NIN: variants seen among roughly 807,000 people sequenced by gnomAD.
NIN encodes glycogen synthase kinase 3 beta-interacting protein.
NIN carries 137 observed loss-of-function variants against 257.6 expected under a neutral mutation model. That is an observed-to-expected ratio of 0.53 (90% confidence interval 0.46 to 0.61). The LOEUF (loss-of-function observed/expected upper bound fraction) is 0.61, where lower values mean the gene tolerates loss of function less well. NIN is among the 20% of genes least tolerant of loss of function. NIN has a pLI of 0.00. For synonymous variants in NIN, 918 were observed against 919.8 expected (o/e 1.00, Z 0.04); for missense variants, 2,439 against 2,501.2 (o/e 0.98, Z 0.53).
chr14:50,740,494 A>G (rs2140483687), intron 25 of NIN, among the ~76,000 whole-genome samples: 1 of 152,148 alleles, frequency 6.6e-6, no homozygotes, highest in African/African-American at 2.4e-5. Flanking sequence ...GATTACAGGC[A>G]CTCGCCACCA....
chr14:50,800,049 A>C (rs1307902283), intron 4 of NIN, among the ~76,000 whole-genome samples: 1 of 118,508 alleles, frequency 8.4e-6, no homozygotes, highest in Non-Finnish European at 1.9e-5. Context: ...CACACACACA[A>C]CTCCCAAGTA....
intron 5 of NIN, among the ~76,000 whole-genome samples, chr14:50,785,520 A>G (rs1449800930): frequency 6.6e-6 from 1 of 152,144 alleles, no homozygotes; most frequent in Non-Finnish European, 1.5e-5. Context: ...AGCCCTGTAA[A>G]CCCAGAGAGA....
chr14:50,818,555 T>A (rs909874139), intron 3 of NIN, among the ~76,000 whole-genome samples: 1 of 152,132 alleles, frequency 6.6e-6, no homozygotes, highest in Non-Finnish European at 1.5e-5. Context: ...CCCGACTAGA[T>A]TGTAAGTTTT....
chr14:50,763,915 C>T lies in NIN; in HGVS notation c.1685G>A (p.Arg562His), dbSNP rs758664546. ...AAGCCTGAGCACTCTGCCTTGTGCACGATATTCTTCCAGCTCAGACTGGAG... is the reference window on the plus strand; with the variant it reads ...AAGCCTGAGCACTCTGCCTTGTGCATGATATTCTTCCAGCTCAGACTGGAG... ...DELQSELEEY[R>H]AQGRVLRLPL... The change falls in exon 15 of 31, where the codon CGT becomes CAT. Residue 562 changes from arginine (R) to histidine (H), a missense_variant. Around this residue, in one of 3 missense-constraint regions of NIN, gnomAD observed 2,043 missense variants for 2,050.2 expected, o/e 1.00. Coordinates refer to ENST00000530997, the MANE Select transcript of NIN (RefSeq NM_020921.4). 42 of 1,613,832 alleles carry T rather than the reference C, an allele frequency of 2.6e-5. No individual in the cohort carries two copies. The Middle Eastern group carries it at 6.6e-4, about 25-fold the overall frequency.
intron 3 of NIN, among the ~76,000 whole-genome samples, chr14:50,817,501 A>C (rs374673850): frequency 1.3e-5 from 2 of 152,192 alleles, no homozygotes; most frequent in East Asian, 3.8e-4. Context: ...ACAGCTATCA[A>C]ATTTTAATAC....
intron 16 of NIN, among the ~76,000 whole-genome samples, chr14:50,761,322 A>G (rs1294521636): frequency 1.3e-5 from 2 of 152,198 alleles, no homozygotes; most frequent in Non-Finnish European, 2.9e-5. Flanking sequence ...AGCACAAGCA[A>G]AAGAGGACAG....
rs1301946773 is a variant in NIN at position 50,723,287 on chromosome 14, A to G, written c.*176T>C. ...AATAATTTAAGTAGTGAAATATGTG[A>G]GTATTTATTTTCAAACTCCCATAAG... is the stretch of plus-strand genomic sequence containing the variant. On this transcript the variant is annotated 3_prime_UTR_variant, in exon 31 of 31. Transcript: ENST00000530997. 2.0e-6 allele frequency: 1 copy of G among 497,624 alleles called. No individual in the cohort carries two copies. The highest frequency in any genetic ancestry group is 3.1e-5 in the East Asian group (1 of 32,394). 30.8% of individuals were successfully genotyped at this position (497,624 alleles called of 1,614,324 possible).
intron 21 of NIN, among the ~76,000 whole-genome samples, chr14:50,749,676 C>A (rs2041704992): frequency 6.6e-6 from 1 of 151,968 alleles, no homozygotes; most frequent in South Asian, 2.1e-4. Context: ...AATATGGACT[C>A]ATTTATTTAT....
chr14:50,795,208 TA>T (rs1182158224), intron 4 of NIN, among the ~76,000 whole-genome samples: 1 of 152,236 alleles, frequency 6.6e-6, no homozygotes, highest in Non-Finnish European at 1.5e-5. Context: ...CTCATCACTT[TA>T]TTTTCCAAAC....
chr14:50,823,661 T>TC (rs1472310078), intron 2 of NIN, among the ~76,000 whole-genome samples: 3 of 152,122 alleles, frequency 2.0e-5, no homozygotes, highest in Non-Finnish European at 4.4e-5. Context: ...TACAGCTCAG[T>TC]TTTTACTGGG....
chr14:50,791,878 G>A (rs566712006), intron 5 of NIN, among the ~76,000 whole-genome samples: 8 of 151,570 alleles, frequency 5.3e-5, no homozygotes, highest in Middle Eastern at 3.4e-3. Context: ...TCAGAAAGTT[G>A]AGGCGCTTTG....
chr14:50,769,964 G>A (rs2042662490), intron 12 of NIN, among the ~76,000 whole-genome samples: 1 of 151,726 alleles, frequency 6.6e-6, no homozygotes, highest in Non-Finnish European at 1.5e-5. Flanking sequence ...AAAAGAAAAG[G>A]CACATTTGGA....
At position 50,823,294 on chromosome 14, in the gene NIN, A is replaced by G. The variant is rs767937158; in HGVS notation, c.-21-1217T>C. The G allele has an allele frequency of 5.3e-6, 3 of 569,378 alleles. No homozygotes were observed. The Admixed American group carries it at 5.8e-5, about 11-fold the overall frequency. The allele number at this position is 569,378 out of a possible 1,614,324, so 35.3% of individuals were successfully genotyped here. A position where few individuals can be genotyped will look rare whatever the true frequency, so the allele number is the denominator to read the frequency against. ...CACGACATACACCCTTGGGACGGTG[A>G]CCTCAGCCATCTGCAACAAGGCTCT... On this transcript the variant is annotated intron_variant, in intron 2 of 30. Coordinates refer to ENST00000530997, the MANE Select transcript of NIN (RefSeq NM_020921.4).
At chr14:50,815,406 T>C (rs1462995206) in intron 3 of NIN, among the ~76,000 whole-genome samples, 1 of 151,924 alleles carries the variant, frequency 6.6e-6, no homozygotes, top group Non-Finnish European at 1.5e-5. Context: ...GCTGGTGAGG[T>C]TGTGGAGAAA....
chr14:50,804,895 T>C (rs2044253105), intron 4 of NIN, among the ~76,000 whole-genome samples: 1 of 152,186 alleles, frequency 6.6e-6, no homozygotes, highest in African/African-American at 2.4e-5. Flanking sequence ...CTAGGCCACA[T>C]GCAGCCCATG....
At chr14:50,828,245 A>C (rs1162684279) in intron 2 of NIN, among the ~76,000 whole-genome samples, 3 of 152,228 alleles carry the variant, frequency 2.0e-5, no homozygotes, top group Non-Finnish European at 4.4e-5. Flanking sequence ...ACGTCTATGA[A>C]CAATATTTTC....
Position 50,739,448 on chromosome 14 carries a change from G to T in NIN, c.5488C>A (p.His1830Asn). 1 of 1,614,182 alleles carries T rather than the reference G, an allele frequency of 6.2e-7. No individual in the cohort carries two copies. The highest frequency in any genetic ancestry group is 8.5e-7 in the Non-Finnish European group (1 of 1,180,014). ...CAGGACAGCCTTTTCTGCTGGTTAT[G>T]GAGCCCTGATGGATGAGTAGCTATC... ...PEIATHPSGL[H>N]NQQKRLSWDK... is the part of the protein sequence containing the mutation. Residue 1830 changes from histidine to asparagine, a missense_variant, in exon 26 of 31, where the codon CAT (histidine) becomes AAT (asparagine). His to Asn is a moderately conservative substitution (Grantham distance 68). Transcript: ENST00000530997.
chr14:50,772,271 T>C, intron 9 of NIN, 30 bp downstream of exon 9: 1 of 1,552,270 alleles, frequency 6.4e-7, no homozygotes, highest in Non-Finnish European at 8.8e-7. Flanking sequence ...TTCTCCAGTT[T>C]GTCATTTTTC....
rs1262200135 is a variant in NIN, at chr14:50,811,921, G to A, written c.184-5103C>T. 2.0e-5 allele frequency among the ~76,000 whole-genome samples: 3 copies of A among 150,982 alleles called. No individual in the cohort carries two copies. The East Asian group carries it at 5.9e-4, about 30-fold the overall frequency. On this transcript the variant is annotated intron_variant, in intron 3 of 30. Transcript: ENST00000530997. ...AAGCAGGAGAATGGTGTGAACCCGG[G>A]AGGCGGAGCTTGCAGTGAGCCAAGA...
Sources: allele counts gnomAD v4.1 joint callset (sites outside exome capture counted in the v4.1 genomes callset), GRCh38; gene constraint gnomAD v4.1.1; regional missense constraint gnomAD v4.1.1; transcripts MANE v1.5; gene names NCBI Gene and HGNC (gene_info 2026-07-23, HGNC 2026-07-21).